Variants in ASB5 observed in about 807,000 individuals in gnomAD.
The protein encoded by ASB5 is ankyrin repeat and SOCS box protein 5.
Under a neutral mutation model 42.1 loss-of-function variants are expected in ASB5, and 45 were observed. That is an observed-to-expected ratio of 1.07 (90% CI 0.84 to 1.37). The LOEUF is 1.37. ASB5 is among the 40% of genes most tolerant of loss of function. ASB5 has a pLI of 0.00. For synonymous variants in ASB5, 147 were observed against 150.6 expected (o/e 0.98, Z 0.18); for missense variants, 402 against 399.8 (o/e 1.01, Z -0.05).
At chr4:176,243,548 G>C (rs1375640724) in intron 1 of ASB5, among the ~76,000 whole-genome samples, 1 of 151,942 alleles carries the variant, frequency 6.6e-6, no homozygotes, top group Non-Finnish European at 1.5e-5. Flanking sequence ...TGTTGCCCAG[G>C]CTGGAGTGCG....
intron 1 of ASB5, among the ~76,000 whole-genome samples, chr4:176,256,480 A>C (rs1190102974): frequency 6.6e-6 from 1 of 152,222 alleles, no homozygotes; most frequent in African/African-American, 2.4e-5. Context: ...AAACCTGTGC[A>C]TAAGGCTCCA....
intron 1 of ASB5, among the ~76,000 whole-genome samples, chr4:176,250,613 G>A (rs1754013990): frequency 6.6e-6 from 1 of 152,166 alleles, no homozygotes; most frequent in Admixed American, 6.5e-5. Flanking sequence ...GTCGAGAGAG[G>A]GGAGGTGGCA....
chr4:176,254,791 A>T (rs771953767), intron 1 of ASB5, among the ~76,000 whole-genome samples: 9 of 152,236 alleles, frequency 5.9e-5, no homozygotes, highest in Non-Finnish European at 1.0e-4. Flanking sequence ...CAACAAATAT[A>T]TGAAAAAATG....
intron 2 of ASB5, among the ~76,000 whole-genome samples, chr4:176,274,623 G>C (rs565779962): frequency 1.8e-4 from 28 of 152,262 alleles, no homozygotes; most frequent in Middle Eastern, 3.4e-3. Flanking sequence ...TGTCCTCTGA[G>C]GTAGCCACAC....
At chr4:176,257,780 A>G (rs533383711) in intron 1 of ASB5, among the ~76,000 whole-genome samples, 1 of 152,356 alleles carries the variant, frequency 6.6e-6, no homozygotes, top group East Asian at 1.9e-4. Context: ...TTCGGTGAGA[A>G]AGACCATGGA....
chr4:176,276,668 T>C (rs1235503619), intron 1 of ASB5, among the ~76,000 whole-genome samples: 2 of 152,196 alleles, frequency 1.3e-5, no homozygotes, highest in African/African-American at 2.4e-5. Flanking sequence ...CACACTGGCA[T>C]CCATGGCTCC....
chr4:176,221,687 G>T, intron 3 of ASB5, 87 bp from the exon 4 acceptor site: 4 of 1,256,806 alleles, frequency 3.2e-6, no homozygotes, highest in Non-Finnish European at 4.3e-6. Flanking sequence ...TATGTGATTT[G>T]CTAACAGAAA....
chr4:176,252,084 G>GA (rs57692791), intron 1 of ASB5, among the ~76,000 whole-genome samples: 1 of 107,772 alleles, frequency 9.3e-6, no homozygotes, highest in African/African-American at 3.5e-5. Context: ...AAAAAAAAAA[G>GA]AAAAAAAAAA....
intron 1 of ASB5, among the ~76,000 whole-genome samples, chr4:176,248,621 T>C (rs1330307967): frequency 6.6e-6 from 1 of 152,194 alleles, no homozygotes; most frequent in Non-Finnish European, 1.5e-5. Context: ...ATATTGTTCA[T>C]AATTGCCCCA....
intron 5 of ASB5, among the ~76,000 whole-genome samples, chr4:176,218,621 A>AATATATATTTGTATGATATATAAATAT (rs1753062213): frequency 3.9e-5 from 4 of 101,328 alleles, no homozygotes; most frequent in South Asian, 3.0e-4. Context: ...ATGATATATA[A>AATATATATTTGTATGATATATAAATAT]ATATATATTT....
intron 1 of ASB5, among the ~76,000 whole-genome samples, chr4:176,245,831 C>T (rs1049095349): frequency 6.6e-5 from 10 of 152,016 alleles, no homozygotes; most frequent in South Asian, 4.2e-4. Context: ...TCTTATTCTT[C>T]GGTGGGAATT....
chr4:176,243,283 T>G (rs1753847465), intron 1 of ASB5, among the ~76,000 whole-genome samples: 1 of 147,998 alleles, frequency 6.8e-6, no homozygotes, highest in Non-Finnish European at 1.5e-5. Flanking sequence ...AGGTCTATCT[T>G]TTTAAATTCT....
chr4:176,275,033 G>A (rs1579340791), intron 2 of ASB5, among the ~76,000 whole-genome samples: 2 of 149,794 alleles, frequency 1.3e-5, no homozygotes, highest in East Asian at 4.0e-4. Flanking sequence ...TCCTGCCTCA[G>A]CCTCCTGAGT....
In ASB5 at chr4:176,224,349, C is replaced by T. The variant is rs1753312254; in HGVS notation, c.276+913G>A. ...TCCCAGGTTCAATTGATTCTCCTGC[C>T]TCAGCCTCCCAAGTAGCTGGGACTA... On this transcript the variant is annotated intron_variant, in intron 2 of 6. Coordinates refer to ENST00000296525, the MANE Select transcript of ASB5 (RefSeq NM_080874.4). 2.0e-5 allele frequency among the ~76,000 whole-genome samples: 3 copies of T among 149,840 alleles called. No homozygotes were observed. In the South Asian group the frequency reaches 6.4e-4, roughly 32 times the overall value.
At chr4:176,237,628 G>T in intron 1 of ASB5, 1 of 947,246 alleles carries the variant, frequency 1.1e-6, no homozygotes. Context: ...TGTGGAGGAT[G>T]GGCCAGAAAT....
chr4:176,231,659 CAAAAAAAAA>C, intron 1 of ASB5, among the ~76,000 whole-genome samples: 1 of 101,908 alleles, frequency 9.8e-6, no homozygotes, highest in Non-Finnish European at 1.9e-5. Flanking sequence ...CTTGTCTCTG[CAAAAAAAAA>C]AAAAAAAAAA....
Position 176,225,420 on chromosome 4 carries a change from C to T in ASB5, c.197-79G>A. On this transcript the variant is annotated intron_variant, in intron 1 of 6. Coordinates refer to ENST00000296525, the MANE Select transcript of ASB5 (RefSeq NM_080874.4). ...TGAATCCCAGTAGACACAATCAATACCAAGATCACATAAATTATTCACACT... is the reference window on the plus strand; with the variant it reads ...TGAATCCCAGTAGACACAATCAATATCAAGATCACATAAATTATTCACACT... 4 of 1,163,932 alleles carry T rather than the reference C, an allele frequency of 3.4e-6. No homozygotes were observed. The South Asian group carries it at 5.1e-5, about 15-fold the overall frequency. The allele number at this position is 1,163,932 out of a possible 1,614,324, so 72.1% of individuals were successfully genotyped here. A position where few individuals can be genotyped will look rare whatever the true frequency, so the allele number is the denominator to read the frequency against.
chr4:176,244,176 T>C (rs1023328481), intron 1 of ASB5, among the ~76,000 whole-genome samples: 1 of 152,184 alleles, frequency 6.6e-6, no homozygotes, highest in African/African-American at 2.4e-5. Flanking sequence ...GAATGGTATA[T>C]ATTATATTTA....
chr4:176,255,520 C>T (rs1013616128), intron 1 of ASB5, among the ~76,000 whole-genome samples: 3 of 152,218 alleles, frequency 2.0e-5, no homozygotes, highest in African/African-American at 7.2e-5. Context: ...CCATGGAATA[C>T]TACACAGCCA....
Sources: gnomAD v4.1 joint callset for allele counts (sites outside exome capture counted in the v4.1 genomes callset) on GRCh38, gnomAD v4.1.1 for gene constraint, MANE v1.5 for transcripts, NCBI Gene and HGNC (gene_info 2026-07-23, HGNC 2026-07-21) for gene names.